The following TANC2 variants were observed in gnomAD, a reference collection of about 807,000 sequenced individuals.
TANC2 encodes the protein tetratricopeptide repeat, ankyrin repeat and coiled-coil containing 2.
Under a neutral mutation model 210.5 loss-of-function variants are expected in TANC2, and 26 were observed. That is an observed-to-expected ratio of 0.12 (90% CI 0.09 to 0.17). The LOEUF (loss-of-function observed/expected upper bound fraction) is 0.17, where lower values mean the gene tolerates loss of function less well. Among genes scored for constraint, TANC2 ranks in the 10% least tolerant of loss-of-function variants. The probability of loss-of-function intolerance (pLI) is 1.00; values close to 1 mark genes in which losing one functional copy is unlikely to be tolerated. For missense variants in TANC2, 2,129 were observed against 2,608.9 expected (o/e 0.82, Z 4.01); for synonymous variants, 931 against 967.1 (o/e 0.96, Z 0.69).
Position 63,420,545 on chromosome 17 carries a change from G to A in TANC2, c.4815G>A (p.Val1605=), listed in dbSNP as rs201592811. 12 of 1,613,828 alleles carry A rather than the reference G, an allele frequency of 7.4e-6. No individual in the cohort carries two copies. The East Asian group carries it at 2.5e-4, about 33-fold the overall frequency. Reference sequence around the variant, plus strand: ...CTTACCGTTTCAGCCCCCCTCCTGTGGGAGGACAGGGCAAAGAATACCCAA... The same window carrying A: ...CTTACCGTTTCAGCCCCCCTCCTGTAGGAGGACAGGGCAAAGAATACCCAA... The change falls in exon 28 of 28, where the codon GTG becomes GTA. Residue 1605 remains valine, a synonymous_variant. Transcript: ENST00000689528. The surrounding 1 kb of genome is among the most constrained non-coding windows in gnomAD (Gnocchi z 4.2).
intron 2 of TANC2, among the ~76,000 whole-genome samples, chr17:63,058,053 G>A (rs1038510565): frequency 6.6e-6 from 1 of 152,176 alleles, no homozygotes; most frequent in African/African-American, 2.4e-5. Flanking sequence ...CCCACCAACA[G>A]TGTATAAGCA....
intron 14 of TANC2, among the ~76,000 whole-genome samples, chr17:63,358,976 T>TTGTG (rs34338483): frequency 0.071 from 10,469 of 147,810 alleles, 544 homozygotes; most frequent in Admixed American, 0.16. Context: ...AGATTAATAT[T>TTGTG]TGTGTGTGTG....
chr17:63,311,285 CTA>C (rs569218563), intron 9 of TANC2, among the ~76,000 whole-genome samples: 179 of 152,182 alleles, frequency 1.2e-3, no homozygotes, highest in Non-Finnish European at 2.1e-3. Flanking sequence ...ATGGAAGAGT[CTA>C]CACATATTAA....
chr17:63,245,912 A>G (rs2042905841), intron 8 of TANC2, among the ~76,000 whole-genome samples: 1 of 151,200 alleles, frequency 6.6e-6, no homozygotes, highest in South Asian at 2.1e-4. Flanking sequence ...CAGGAGACTG[A>G]GGCACATGAA....
rs547699825 is a variant in TANC2 at position 63,363,633 on chromosome 17, A to G, written c.2582+8243A>G. Among the ~76,000 whole-genome samples, 12 of 152,206 alleles carry G rather than the reference A, an allele frequency of 7.9e-5. No homozygotes were observed. The South Asian group carries it at 2.5e-3, about 32-fold the overall frequency. On this transcript the variant is annotated intron_variant, in intron 14 of 27. Coordinates refer to ENST00000689528, the Ensembl canonical transcript of TANC2. ...GAAGAGACTGTCCTTTCCCCAAAGT[A>G]TGTTCTTGGAACCTTTTTTAAAAAT...
chr17:63,250,658 C>T (rs767051444), intron 8 of TANC2, among the ~76,000 whole-genome samples: 1 of 152,054 alleles, frequency 6.6e-6, no homozygotes, highest in Non-Finnish European at 1.5e-5. Context: ...AATGGTTATT[C>T]GTTCATTAGA....
chr17:63,291,105 G>T (rs1319078866), intron 9 of TANC2, among the ~76,000 whole-genome samples: 1 of 152,010 alleles, frequency 6.6e-6, no homozygotes, highest in Non-Finnish European at 1.5e-5. Flanking sequence ...ACTATTCACC[G>T]ATTATAAGTG....
intron 12 of TANC2, 119 bp from the exon 13 acceptor site, chr17:63,351,131 T>G (rs1047016785): frequency 9.8e-6 from 9 of 918,634 alleles, no homozygotes; most frequent in Admixed American, 2.8e-5. Flanking sequence ...GAGCATTCAC[T>G]AAACACATGA....
Position 63,191,711 on chromosome 17 carries a change from C to T in TANC2, c.434-2280C>T, listed in dbSNP as rs574377316. 1.6e-4 allele frequency among the ~76,000 whole-genome samples: 24 copies of T among 152,232 alleles called. No individual in the cohort carries two copies. The South Asian group carries it at 4.6e-3, about 29-fold the overall frequency. On this transcript the variant is annotated intron_variant, in intron 5 of 27. Transcript: ENST00000689528. Reference sequence around the variant, plus strand: ...CTCCTGGGCTCAAGTGATCAACCTGCCTCGGCATCCCAAAGTGCTGGGATT... The same window carrying T: ...CTCCTGGGCTCAAGTGATCAACCTGTCTCGGCATCCCAAAGTGCTGGGATT...
intron 1 of TANC2, among the ~76,000 whole-genome samples, chr17:63,006,222 G>T (rs2033621109): frequency 6.6e-6 from 1 of 151,578 alleles, no homozygotes; most frequent in South Asian, 2.1e-4. Flanking sequence ...CTGATATGTG[G>T]CTTTGCTGAT....
intron 4 of TANC2, chr17:63,130,860 T>G (rs1223823318): frequency 6.6e-6 from 1 of 152,232 alleles, no homozygotes; most frequent in Non-Finnish European, 1.5e-5. Flanking sequence ...TTACTGCATC[T>G]TACCTTGATA....
chr17:63,340,140 A>G, exon 12 of TANC2: 2 of 1,613,872 alleles, frequency 1.2e-6, no homozygotes, highest in African/African-American at 1.3e-5. Flanking sequence ...TAATGCCTAC[A>G]CTTGCTTGGT....
At chr17:63,369,994 T>TAC (rs1656009513) in intron 14 of TANC2, among the ~76,000 whole-genome samples, 1 of 152,242 alleles carries the variant, frequency 6.6e-6, no homozygotes, top group African/African-American at 2.4e-5. Context: ...CTCTCCCACA[T>TAC]ACACCCTGCT....
intron 7 of TANC2, among the ~76,000 whole-genome samples, chr17:63,231,680 C>T (rs942693873): frequency 3.3e-5 from 5 of 152,134 alleles, no homozygotes; most frequent in Non-Finnish European, 5.9e-5. Flanking sequence ...TTCTCTCTGG[C>T]TGCCCTTAAT....
intron 2 of TANC2, among the ~76,000 whole-genome samples, chr17:63,015,248 T>C (rs2034053810): frequency 6.6e-6 from 1 of 152,076 alleles, no homozygotes; most frequent in Admixed American, 6.6e-5. Context: ...GATCTGAATT[T>C]TTCTGTGGGC....
chr17:63,021,048 GC>G (rs2034327045), intron 2 of TANC2, among the ~76,000 whole-genome samples: 1 of 152,046 alleles, frequency 6.6e-6, no homozygotes, highest in African/African-American at 2.4e-5. Context: ...ACCTCTTGAG[GC>G]CCCATCTCCA....
At chr17:63,209,136 A>G (rs1598611401) in intron 7 of TANC2, among the ~76,000 whole-genome samples, 2 of 151,584 alleles carry the variant, frequency 1.3e-5, no homozygotes, top group South Asian at 4.2e-4. Flanking sequence ...CAGTCTCCCA[A>G]GCATCTGGGA....
intron 11 of TANC2, among the ~76,000 whole-genome samples, chr17:63,326,942 A>G: frequency 6.6e-6 from 1 of 152,230 alleles, no homozygotes; most frequent in East Asian, 1.9e-4. Context: ...GTGAGGAGAC[A>G]ATTCACAGAA....
chr17:63,201,315 G>C (rs576908980), intron 7 of TANC2, among the ~76,000 whole-genome samples: 1 of 152,132 alleles, frequency 6.6e-6, no homozygotes. Context: ...TGAAAGAAAG[G>C]TGAGATTAGA....
Sources: gnomAD v4.1 joint callset for allele counts (sites outside exome capture counted in the v4.1 genomes callset) on GRCh38, gnomAD v4.1.1 for gene constraint, Gnocchi (gnomAD v3.1) non-coding constraint, MANE v1.5 for transcripts, NCBI Gene and HGNC (gene_info 2026-07-23, HGNC 2026-07-21) for gene names.